FARP2: variants seen among roughly 807,000 people sequenced by gnomAD.
FARP2 encodes the protein FERM, ARH/RhoGEF and pleckstrin domain protein 2.
Under a neutral mutation model 130.5 loss-of-function variants are expected in FARP2, and 111 were observed. That is an observed-to-expected ratio of 0.85 (90% CI 0.73 to 1.00). The LOEUF (loss-of-function observed/expected upper bound fraction) is 1.00. Among genes scored for constraint, FARP2 ranks in the 50% least tolerant of loss-of-function variants. FARP2 has a pLI of 0.00. For missense variants in FARP2, 1,385 were observed against 1,346.3 expected, an observed-to-expected ratio of 1.03 and a Z score of -0.45; for synonymous variants, 504 against 516.9, an observed-to-expected ratio of 0.98 and a Z score of 0.34.
chr2:241,426,204 G>A (rs551453558), intron 8 of FARP2, among the ~76,000 whole-genome samples: 43 of 152,268 alleles, frequency 2.8e-4, no homozygotes, highest in South Asian at 2.1e-4. Context: ...GCAGGGCCCC[G>A]GGAGAGAGGG....
rs2063376201 is a variant in FARP2 at position 241,441,291 on chromosome 2, CTT to C, written c.1159-11_1159-10del. 1 of 1,554,050 alleles carries C rather than the reference CTT, an allele frequency of 6.4e-7. No homozygotes were observed. The highest frequency in any genetic ancestry group is 1.4e-5 in the African/African-American group (1 of 72,162). On this transcript the variant is annotated splice_polypyrimidine_tract_variant and intron_variant, in intron 12 of 26. Coordinates refer to ENST00000264042, the MANE Select transcript of FARP2 (RefSeq NM_014808.4). ...TTATATCCTTTTTTTCTTTTCTTAA[CTT>C]TGGTTCCCAGAGCATCTCATTCCCC... is the stretch of plus-strand genomic sequence containing the variant.
At chr2:241,407,397 T>C (rs1259517184) in intron 4 of FARP2, 140 bp from the exon 5 acceptor site, 1 of 654,148 alleles carries the variant, frequency 1.5e-6, no homozygotes, top group East Asian at 2.9e-5. Flanking sequence ...TGGGCAGAAA[T>C]TTCTTAATAT....
intron 19 of FARP2, among the ~76,000 whole-genome samples, chr2:241,480,876 A>C (rs1254002855): frequency 6.6e-6 from 1 of 152,078 alleles, no homozygotes; most frequent in Non-Finnish European, 1.5e-5. Context: ...GTGGAGGTCC[A>C]GTTTTCCCGG....
At chr2:241,469,219 C>T (rs959161978) in intron 18 of FARP2, among the ~76,000 whole-genome samples, 3 of 151,656 alleles carry the variant, frequency 2.0e-5, no homozygotes, top group Non-Finnish European at 2.9e-5. Flanking sequence ...CCCAAGTAGC[C>T]GGTATTACAG....
At chr2:241,384,092 C>T (rs936776634) in intron 2 of FARP2, among the ~76,000 whole-genome samples, 5 of 150,394 alleles carry the variant, frequency 3.3e-5, no homozygotes, top group African/African-American at 7.3e-5. Flanking sequence ...ACTTGGCATT[C>T]ACCATGACCT....
At chr2:241,493,469 G>A in intron 26 of FARP2, 25 bp downstream of exon 26, 4 of 1,609,472 alleles carry the variant, frequency 2.5e-6, no homozygotes, top group Non-Finnish European at 3.4e-6. Flanking sequence ...GGCAGCCCTG[G>A]TCAGCTGCCC....
At chr2:241,465,473 A>G in intron 17 of FARP2, 1 of 1,550,572 alleles carries the variant, frequency 6.4e-7, no homozygotes, top group Non-Finnish European at 8.7e-7. Flanking sequence ...TTCCAGCTCC[A>G]CGAAGGGCAT....
At position 241,493,131 on chromosome 2, in the gene FARP2, C is replaced by T. The variant is rs1170922192; in HGVS notation, c.2895+95C>T. On this transcript the variant is annotated intron_variant, in intron 25 of 26. Transcript: ENST00000264042. ...GTCCCTTTTGTATTTTGGTTCTGCC[C>T]TCCCATGCTTTGCCCACACACCCTG... is the stretch of plus-strand genomic sequence containing the variant. 4 of 1,150,576 alleles carry T rather than the reference C, an allele frequency of 3.5e-6. No homozygotes were observed. The East Asian group carries it at 9.5e-5, about 27-fold the overall frequency. The allele number at this position is 1,150,576 out of a possible 1,614,324, so 71.3% of individuals were successfully genotyped here.
intron 10 of FARP2, among the ~76,000 whole-genome samples, chr2:241,434,580 G>A (rs536734308): frequency 1.5e-4 from 23 of 152,286 alleles, no homozygotes; most frequent in African/African-American, 4.3e-4. Context: ...GGCCGAGCCC[G>A]GTGGCTCACA....
At chr2:241,362,163 C>G (rs2061202862) in intron 1 of FARP2, among the ~76,000 whole-genome samples, 1 of 152,154 alleles carries the variant, frequency 6.6e-6, no homozygotes, top group Admixed American at 6.5e-5. Flanking sequence ...TCCCAAAGTG[C>G]TGGGATTACA....
intron 21 of FARP2, among the ~76,000 whole-genome samples, chr2:241,487,140 G>A (rs1476968408): frequency 6.6e-6 from 1 of 152,212 alleles, no homozygotes; most frequent in African/African-American, 2.4e-5. Context: ...ACACTATTAA[G>A]TCACAAATTA....
chr2:241,490,047 A>T lies in FARP2; in HGVS notation c.2504+3A>T. 10 of 1,610,978 alleles carry T rather than the reference A, an allele frequency of 6.2e-6. No homozygotes were observed. Among genetic ancestry groups the T allele is most frequent in the Non-Finnish European group, 8.5e-6 (10 of 1,177,146 alleles). ...AAAACAATCGTGGTGGCAGCCAGGTAAGGGTCTTCCATGTCTCCATCCTGA... is the reference window on the plus strand; with the variant it reads ...AAAACAATCGTGGTGGCAGCCAGGTTAGGGTCTTCCATGTCTCCATCCTGA... On this transcript the variant is annotated splice_donor_region_variant and intron_variant, in intron 22 of 26. Transcript: ENST00000264042.
At chr2:241,360,801 T>C (rs1054503516) in intron 1 of FARP2, among the ~76,000 whole-genome samples, 9 of 152,192 alleles carry the variant, frequency 5.9e-5, no homozygotes, top group African/African-American at 1.7e-4. Context: ...CTGTGTAATA[T>C]TTCTTCCTTT....
Position 241,452,643 on chromosome 2 carries a change from A to G in FARP2, c.1412-4104A>G, listed in dbSNP as rs117948265. Among the ~76,000 whole-genome samples the G allele has an allele frequency of 7.2e-3, 1,091 of 152,124 alleles. 32 individuals are homozygous for G. In the South Asian group the frequency reaches 0.075, roughly 10 times the overall value. The stretch of plus-strand genomic sequence containing the variant: ...CATAAGATCCCATCCATTAAAAAAA[A>G]AAAGAAAGAAAAAGAGTCTGGGCAC... On this transcript the variant is annotated intron_variant, in intron 13 of 26. Coordinates refer to ENST00000264042, the MANE Select transcript of FARP2 (RefSeq NM_014808.4).
At chr2:241,466,684 C>A in intron 17 of FARP2, 2 of 739,204 alleles carry the variant, frequency 2.7e-6, no homozygotes, top group African/African-American at 2.2e-5. Context: ...ACTCCCCTTC[C>A]AACCACCCCC....
intron 5 of FARP2, among the ~76,000 whole-genome samples, 155 bp downstream of exon 5, chr2:241,407,770 G>A (rs1486707491): frequency 1.3e-5 from 2 of 152,296 alleles, no homozygotes; most frequent in East Asian, 3.9e-4. Context: ...CATGTTGGCA[G>A]TTGACCCTTG....
intron 24 of FARP2, among the ~76,000 whole-genome samples, chr2:241,492,406 A>G (rs2064952871): frequency 6.6e-6 from 1 of 152,152 alleles, no homozygotes; most frequent in East Asian, 1.9e-4. Flanking sequence ...CCGCCATCTT[A>G]GAGTGCAACC....
At chr2:241,392,855 A>G (rs2061939246) in intron 2 of FARP2, among the ~76,000 whole-genome samples, 1 of 151,646 alleles carries the variant, frequency 6.6e-6, no homozygotes, top group South Asian at 2.1e-4. Flanking sequence ...AGGCAGGAGA[A>G]TCACTTGAAC....
chr2:241,472,186 G>A (rs201998001), intron 18 of FARP2, among the ~76,000 whole-genome samples: 3,628 of 67,934 alleles, frequency 0.053, no homozygotes, highest in Admixed American at 0.18. Context: ...CTGTTCTGAG[G>A]GGGATGCTGT....
Sources: gnomAD v4.1 joint callset for allele counts (sites outside exome capture counted in the v4.1 genomes callset) on GRCh38, gnomAD v4.1.1 for gene constraint, MANE v1.5 for transcripts, NCBI Gene and HGNC (gene_info 2026-07-23, HGNC 2026-07-21) for gene names.